KCNJ3: variants seen among roughly 807,000 people sequenced by gnomAD.
KCNJ3 encodes the protein potassium inwardly rectifying channel subfamily J member 3.
In KCNJ3, 4 loss-of-function variants were observed where a neutral mutation model predicts 39.2. The ratio of observed to expected loss-of-function variants is 0.10; its 90% CI spans 0.05 to 0.23. KCNJ3 has a LOEUF of 0.23. Ranked by LOEUF, KCNJ3 falls within the 10% of genes least tolerant of loss-of-function variation. The pLI, the probability that KCNJ3 is intolerant of heterozygous loss-of-function variation, is 1.00. For missense variants in KCNJ3, 276 were observed against 634.9 expected (o/e 0.43, Z 6.08); for synonymous variants, 230 against 237.4 (o/e 0.97, Z 0.29).
chr2:154,704,661 A>G (rs1041256513), intron 1 of KCNJ3, among the ~76,000 whole-genome samples: 2 of 152,132 alleles, frequency 1.3e-5, no homozygotes, highest in African/African-American at 4.8e-5. Flanking sequence ...AATGCCAATA[A>G]AATTCTAGGT....
At chr2:154,765,080 G>A (rs1295135346) in intron 2 of KCNJ3, among the ~76,000 whole-genome samples, 1 of 152,148 alleles carries the variant, frequency 6.6e-6, no homozygotes, top group Non-Finnish European at 1.5e-5. Flanking sequence ...TGAGGGCTGT[G>A]CTATGCATTT....
At chr2:154,844,375 ATGT>A (rs1417216504) in intron 2 of KCNJ3, among the ~76,000 whole-genome samples, 1 of 152,148 alleles carries the variant, frequency 6.6e-6, no homozygotes, top group Non-Finnish European at 1.5e-5. Context: ...CTATTGGGAG[ATGT>A]CTCCCAGTTA....
intron 2 of KCNJ3, among the ~76,000 whole-genome samples, chr2:154,747,596 A>T (rs975153974): frequency 6.6e-6 from 1 of 151,902 alleles, no homozygotes; most frequent in East Asian, 1.9e-4. Context: ...TCTTACCCCC[A>T]TCTCCATTAT....
At chr2:154,840,022 C>G (rs1687548252) in intron 2 of KCNJ3, among the ~76,000 whole-genome samples, 1 of 152,138 alleles carries the variant, frequency 6.6e-6, no homozygotes, top group Non-Finnish European at 1.5e-5. Context: ...ATTCCTGTGT[C>G]CTGAATGGTA....
At chr2:154,742,754 C>G (rs1407089408) in intron 2 of KCNJ3, among the ~76,000 whole-genome samples, 1 of 151,766 alleles carries the variant, frequency 6.6e-6, no homozygotes, top group African/African-American at 2.4e-5. Flanking sequence ...TAGGAATTCT[C>G]TCTATACATC....
intron 2 of KCNJ3, among the ~76,000 whole-genome samples, chr2:154,745,691 A>G (rs1346702685): frequency 6.6e-6 from 1 of 151,980 alleles, no homozygotes; most frequent in Non-Finnish European, 1.5e-5. Flanking sequence ...TTGGCCATCT[A>G]TTGATTGTCT....
At chr2:154,717,427 C>T (rs916063162) in intron 2 of KCNJ3, among the ~76,000 whole-genome samples, 2 of 152,270 alleles carry the variant, frequency 1.3e-5, no homozygotes, top group Admixed American at 6.5e-5. Context: ...AGACTGGAGA[C>T]AGCCCAGTTA....
At chr2:154,767,526 T>C (rs142892548) in intron 2 of KCNJ3, among the ~76,000 whole-genome samples, 3,618 of 152,266 alleles carry the variant, frequency 0.024, 84 homozygotes, top group Middle Eastern at 0.034. Context: ...CATCCTTTTT[T>C]TATGGCTGCA....
intron 2 of KCNJ3, among the ~76,000 whole-genome samples, chr2:154,747,088 C>A (rs1177873926): frequency 4.0e-5 from 6 of 151,838 alleles, no homozygotes. Context: ...GTATAAAGCA[C>A]TTGAGAGTTG....
intron 2 of KCNJ3, among the ~76,000 whole-genome samples, chr2:154,713,056 T>C (rs781770842): frequency 6.7e-6 from 1 of 150,190 alleles, no homozygotes; most frequent in Non-Finnish European, 1.5e-5. Context: ...ATGTGGAGAG[T>C]GGGGTGAGAA....
At chr2:154,824,447 T>C (rs902262684) in intron 2 of KCNJ3, among the ~76,000 whole-genome samples, 2 of 152,226 alleles carry the variant, frequency 1.3e-5, no homozygotes, top group African/African-American at 4.8e-5. Flanking sequence ...TCCTTAAATA[T>C]TAAACATCAG....
chr2:154,709,917 G>A, intron 2 of KCNJ3, 98 bp downstream of exon 2: 1 of 1,342,708 alleles, frequency 7.4e-7, no homozygotes, highest in Non-Finnish European at 1.0e-6. Context: ...ATGACTCAGA[G>A]TTTACAATAA....
chr2:154,836,840 C>G (rs1018314681), intron 2 of KCNJ3, among the ~76,000 whole-genome samples: 1 of 152,130 alleles, frequency 6.6e-6, no homozygotes, highest in African/African-American at 2.4e-5. Flanking sequence ...TTTAAGCCTG[C>G]AAGCAAACAA....
chr2:154,828,086 T>C (rs1687298318), intron 2 of KCNJ3, among the ~76,000 whole-genome samples: 1 of 151,548 alleles, frequency 6.6e-6, no homozygotes. Flanking sequence ...GATATCCGCA[T>C]TGTAGTTATG....
chr2:154,714,883 G>A (rs1685157588), intron 2 of KCNJ3, among the ~76,000 whole-genome samples: 2 of 152,138 alleles, frequency 1.3e-5, no homozygotes, highest in South Asian at 4.1e-4. Flanking sequence ...ACATAATGAA[G>A]TGCATCATAT....
chr2:154,793,610 TCTAAAG>T (rs1447266651), intron 2 of KCNJ3, among the ~76,000 whole-genome samples: 19 of 152,094 alleles, frequency 1.2e-4, no homozygotes, highest in African/African-American at 4.6e-4. Flanking sequence ...TAAAGTGTTG[TCTAAAG>T]CTGTATCTGT....
chr2:154,724,932 T>TATATATATATATATATATAC (rs1685327230), intron 2 of KCNJ3, among the ~76,000 whole-genome samples: 1 of 147,038 alleles, frequency 6.8e-6, no homozygotes, highest in Non-Finnish European at 1.5e-5. Context: ...TATATATATA[T>TATATATATATATATATATAC]ATATACCTTT....
chr2:154,765,720 C>T (rs1049152296), intron 2 of KCNJ3, among the ~76,000 whole-genome samples: 11 of 152,134 alleles, frequency 7.2e-5, no homozygotes, highest in African/African-American at 1.7e-4. Context: ...ACTCTTGGGA[C>T]GCTGTGGAAT....
intron 2 of KCNJ3, among the ~76,000 whole-genome samples, chr2:154,748,640 A>G (rs1685786905): frequency 6.6e-6 from 1 of 152,116 alleles, no homozygotes; most frequent in African/African-American, 2.4e-5. Flanking sequence ...TCAGTCATAC[A>G]TCAATTGACA....
Sources: gnomAD v4.1 joint callset for allele counts (sites outside exome capture counted in the v4.1 genomes callset) on GRCh38, gnomAD v4.1.1 for gene constraint, MANE v1.5 for transcripts, NCBI Gene and HGNC (gene_info 2026-07-23, HGNC 2026-07-21) for gene names.